Variants in NAV2 observed in about 807,000 individuals in gnomAD.
The protein encoded by NAV2 is neuron navigator 2.
In NAV2, 54 loss-of-function variants were observed where a neutral mutation model predicts 223.2. The observed-to-expected ratio is 0.24, with a 90% CI of 0.19 to 0.30. The LOEUF is 0.30. NAV2 is among the 10% of genes least tolerant of loss of function. NAV2 has a pLI of 1.00. For missense variants in NAV2, 2,806 were observed against 3,147.5 expected (o/e 0.89, Z 2.60); for synonymous variants, 1,279 against 1,239.3 (o/e 1.03, Z -0.67).
At chr11:19,496,161 G>T (rs1440862182) in intron 1 of NAV2, among the ~76,000 whole-genome samples, 1 of 152,188 alleles carries the variant, frequency 6.6e-6, no homozygotes, top group Non-Finnish European at 1.5e-5. Flanking sequence ...TTTTTCTCAA[G>T]ATATTTTTCT....
chr11:19,848,175 T>C (rs977877977), intron 3 of NAV2, among the ~76,000 whole-genome samples: 1 of 152,126 alleles, frequency 6.6e-6, no homozygotes, highest in Non-Finnish European at 1.5e-5. Flanking sequence ...CCTAAGACAG[T>C]AGGAATCTGC....
At chr11:19,871,722 C>T (rs1248342527) in intron 4 of NAV2, among the ~76,000 whole-genome samples, 1 of 152,124 alleles carries the variant, frequency 6.6e-6, no homozygotes, top group Non-Finnish European at 1.5e-5. Context: ...CAGCGGTCCC[C>T]CACCAGACAG....
intron 1 of NAV2, among the ~76,000 whole-genome samples, chr11:19,529,329 A>G (rs899228160): frequency 6.6e-6 from 1 of 152,146 alleles, no homozygotes; most frequent in Non-Finnish European, 1.5e-5. Flanking sequence ...ACACATACGC[A>G]TGGTTGTCTA....
At chr11:20,051,438 C>A (rs1249284103) in intron 17 of NAV2, 105 bp downstream of exon 17, 8 of 1,004,238 alleles carry the variant, frequency 8.0e-6, no homozygotes, top group Non-Finnish European at 9.6e-6. Context: ...CTGGGGTCCC[C>A]GCTTTGACCA....
chr11:20,109,400 G>T (rs1009319323), intron 36 of NAV2, among the ~76,000 whole-genome samples: 2 of 152,226 alleles, frequency 1.3e-5, no homozygotes, highest in Non-Finnish European at 2.9e-5. Context: ...AATGATTTTA[G>T]ATCTTTGCAG....
chr11:19,469,843 G>T lies in NAV2; in HGVS notation c.75+118816G>T, dbSNP rs982734013. Among the ~76,000 whole-genome samples the T allele has an allele frequency of 3.9e-5, 6 of 152,212 alleles. No individual in the cohort carries two copies. In the East Asian group the frequency reaches 1.2e-3, roughly 29 times the overall value. ...TTTCTCACCTAGGCAGCTTCGGCTG[G>T]CAAGCAAAGCCCCACAAGAACCCCT... On this transcript the variant is annotated intron_variant, in intron 1 of 37. Transcript: ENST00000360655.
intron 1 of NAV2, among the ~76,000 whole-genome samples, chr11:19,479,432 C>G (rs959682678): frequency 1.3e-5 from 2 of 152,232 alleles, no homozygotes; most frequent in Non-Finnish European, 2.9e-5. Context: ...TATTGAGTAC[C>G]ATGTGCCAGA....
intron 6 of NAV2, among the ~76,000 whole-genome samples, chr11:19,920,971 C>T (rs960949810): frequency 2.6e-5 from 4 of 152,156 alleles, no homozygotes; most frequent in African/African-American, 7.2e-5. Flanking sequence ...ATAAAACAGA[C>T]ACGTGGAGGA....
intron 1 of NAV2, among the ~76,000 whole-genome samples, chr11:19,824,809 C>A (rs1313253280): frequency 2.0e-5 from 3 of 152,164 alleles, no homozygotes; most frequent in Non-Finnish European, 4.4e-5. Flanking sequence ...GAATGTGTCA[C>A]CAGCTTAGCT....
chr11:19,645,273 A>G (rs1033764799), intron 1 of NAV2, among the ~76,000 whole-genome samples: 2 of 152,168 alleles, frequency 1.3e-5, no homozygotes, highest in East Asian at 1.9e-4. Context: ...CTCATGCTGC[A>G]TCACTCTGAC....
intron 22 of NAV2, among the ~76,000 whole-genome samples, chr11:20,070,244 C>T (rs1404865875): frequency 6.6e-6 from 1 of 150,960 alleles, no homozygotes; most frequent in Non-Finnish European, 1.5e-5. Flanking sequence ...AAACCCTAGA[C>T]CCAGCAAGTC....
intron 11 of NAV2, among the ~76,000 whole-genome samples, chr11:20,024,306 T>C (rs1271183274): frequency 6.6e-6 from 1 of 152,136 alleles, no homozygotes; most frequent in African/African-American, 2.4e-5. Context: ...ATCTTGAGGC[T>C]CCGGGGCTGC....
rs537609407 is a variant in NAV2, at chr11:19,446,770, G to T, written c.75+95743G>T. 2.6e-5 allele frequency among the ~76,000 whole-genome samples: 4 copies of T among 152,274 alleles called. No individual in the cohort carries two copies. In the East Asian group the frequency reaches 5.8e-4, roughly 22 times the overall value. On this transcript the variant is annotated intron_variant, in intron 1 of 37. Coordinates refer to the NAV2 transcript ENST00000360655. ...AGAGCCTGGTGGGGAGGGAGAACCAGGTCATTGTAAAGGCCATTGTCCTTT... is the reference window on the plus strand; with the variant it reads ...AGAGCCTGGTGGGGAGGGAGAACCATGTCATTGTAAAGGCCATTGTCCTTT...
intron 1 of NAV2, among the ~76,000 whole-genome samples, chr11:19,554,067 T>C (rs534563210): frequency 1.3e-5 from 2 of 152,324 alleles, no homozygotes; most frequent in Non-Finnish European, 2.9e-5. Context: ...TCCTTTTTTG[T>C]TTTTGAAATT....
chr11:19,429,933 T>C (rs534072796), intron 1 of NAV2, among the ~76,000 whole-genome samples: 1 of 152,066 alleles, frequency 6.6e-6, no homozygotes, highest in African/African-American at 2.4e-5. Flanking sequence ...TTTTAGCTAT[T>C]AGAAAAAAAG....
chr11:19,917,675 C>T (rs2043920977), intron 6 of NAV2, among the ~76,000 whole-genome samples: 2 of 152,154 alleles, frequency 1.3e-5, no homozygotes, highest in East Asian at 1.9e-4. Context: ...TGCAGTGGCA[C>T]GATCTCAGCT....
chr11:19,902,703 T>C (rs1327038766), intron 6 of NAV2, among the ~76,000 whole-genome samples: 1 of 152,182 alleles, frequency 6.6e-6, no homozygotes, highest in Non-Finnish European at 1.5e-5. Flanking sequence ...GGGAGAAGTA[T>C]TTACCTTTCT....
chr11:19,599,738 T>C (rs1300596406), intron 1 of NAV2, among the ~76,000 whole-genome samples: 1 of 152,224 alleles, frequency 6.6e-6, no homozygotes, highest in Non-Finnish European at 1.5e-5. Context: ...CCAATCTTTT[T>C]GAAGTGTCAG....
chr11:20,103,516 C>T (rs779004177), intron 33 of NAV2, 107 bp downstream of exon 33: 20 of 1,494,392 alleles, frequency 1.3e-5, no homozygotes, highest in Admixed American at 6.9e-5. Context: ...TGAAGCTGTG[C>T]ACACGCATAG....
Sources: allele counts gnomAD v4.1 joint callset (sites outside exome capture counted in the v4.1 genomes callset), GRCh38; gene constraint gnomAD v4.1.1; transcripts MANE v1.5; gene names NCBI Gene and HGNC (gene_info 2026-07-23, HGNC 2026-07-21).